The following ZMYM5 variants were observed in gnomAD, a reference collection of about 807,000 sequenced individuals.
ZMYM5 encodes zinc finger MYM-type containing 5.
A neutral mutation model predicts 61.8 loss-of-function variants in ZMYM5; 41 were observed. That is an observed-to-expected ratio of 0.66 (90% CI 0.52 to 0.86). The LOEUF (loss-of-function observed/expected upper bound fraction) is 0.86, where lower values mean the gene tolerates loss of function less well. Among genes scored for constraint, ZMYM5 ranks in the 40% least tolerant of loss-of-function variants. The pLI, the probability that ZMYM5 is intolerant of heterozygous loss-of-function variation, is 0.00. For synonymous variants in ZMYM5, 257 were observed against 276.4 expected (o/e 0.93, Z 0.70); for missense variants, 706 against 786.7 (o/e 0.90, Z 1.23).
intron 5 of ZMYM5, among the ~76,000 whole-genome samples, chr13:19,838,207 T>C (rs1010538562): frequency 6.6e-6 from 1 of 152,070 alleles, no homozygotes. Context: ...TGAAACCCTG[T>C]CTCTACTAAA....
intron 7 of ZMYM5, among the ~76,000 whole-genome samples, chr13:19,830,878 C>T (rs1227243278): frequency 6.8e-6 from 1 of 146,920 alleles, no homozygotes. Flanking sequence ...CTCGCACTGT[C>T]CCCCAGGCTG....
intron 7 of ZMYM5, among the ~76,000 whole-genome samples, chr13:19,833,649 G>A (rs1210192420): frequency 6.6e-6 from 1 of 152,110 alleles, no homozygotes; most frequent in Non-Finnish European, 1.5e-5. Flanking sequence ...AAACTGAAAA[G>A]ATTCTAGAAG....
chr13:19,835,791 A>G (rs9552012), intron 6 of ZMYM5, 102 bp from the exon 7 acceptor site: 95,179 of 829,586 alleles, frequency 0.11, 6,071 homozygotes, highest in Middle Eastern at 0.14. Flanking sequence ...AGAATCCCTA[A>G]TCATATCTCA....
chr13:19,845,112 T>G (rs1450685687), intron 4 of ZMYM5, among the ~76,000 whole-genome samples: 4 of 152,182 alleles, frequency 2.6e-5, no homozygotes, highest in Non-Finnish European at 5.9e-5. Context: ...CAGTAGAAAC[T>G]ACCCCAAATA....
chr13:19,845,703 C>T (rs1000700907), intron 4 of ZMYM5, among the ~76,000 whole-genome samples: 4 of 152,134 alleles, frequency 2.6e-5, no homozygotes, highest in African/African-American at 9.6e-5. Context: ...ACAAAGGATA[C>T]AAATCAGAAA....
At chr13:19,830,013 C>G (rs762951495) in intron 7 of ZMYM5, among the ~76,000 whole-genome samples, 1 of 152,164 alleles carries the variant, frequency 6.6e-6, no homozygotes, top group East Asian at 1.9e-4. Context: ...GTGCTGTGCA[C>G]TGCAGATGTT....
intron 4 of ZMYM5, among the ~76,000 whole-genome samples, chr13:19,839,811 T>A (rs1015923245): frequency 6.6e-6 from 1 of 152,238 alleles, no homozygotes; most frequent in African/African-American, 2.4e-5. Context: ...AAATCTATTA[T>A]TATTTCCCAG....
chr13:19,837,433 C>A lies in ZMYM5; in HGVS notation c.1038+223G>T. ...ACAATTGCCTTGTTTATGAGCACAACAATTCCATAGAAACAGATGTGTACT... is the reference window on the plus strand; with the variant it reads ...ACAATTGCCTTGTTTATGAGCACAAAAATTCCATAGAAACAGATGTGTACT... On this transcript the variant is annotated intron_variant, in intron 6 of 7. Transcript: ENST00000337963. The A allele has an allele frequency of 3.9e-6, 6 of 1,538,366 alleles. No individual in the cohort carries two copies. In the South Asian group the frequency reaches 5.0e-5, roughly 13 times the overall value.
intron 7 of ZMYM5, among the ~76,000 whole-genome samples, chr13:19,826,626 G>A (rs1268606049): frequency 6.6e-6 from 1 of 151,688 alleles, no homozygotes; most frequent in Non-Finnish European, 1.5e-5. Context: ...ATGGTGGCGG[G>A]CACCTGTAAT....
At chr13:19,829,005 G>A (rs942958064) in intron 7 of ZMYM5, among the ~76,000 whole-genome samples, 4 of 152,150 alleles carry the variant, frequency 2.6e-5, no homozygotes, top group Admixed American at 2.0e-4. Context: ...AGCTACTCAG[G>A]AGGCTAAGGT....
intron 4 of ZMYM5, among the ~76,000 whole-genome samples, chr13:19,844,564 C>CAGTTTAGCAAGCTTTA (rs1259542023): frequency 2.0e-5 from 3 of 152,174 alleles, no homozygotes; most frequent in Non-Finnish European, 2.9e-5. Flanking sequence ...TACCACCTTT[C>CAGTTTAGCAAGCTTTA]AGTTTAGCAA....
chr13:19,837,976 T>C (rs1166303626), intron 5 of ZMYM5, among the ~76,000 whole-genome samples, 155 bp from the exon 6 acceptor site: 1 of 152,206 alleles, frequency 6.6e-6, no homozygotes, highest in Admixed American at 6.6e-5. Context: ...TTGGCTTTAT[T>C]GCCAAGAGTT....
At chr13:19,861,842 C>A (rs1953775917) in intron 2 of ZMYM5, among the ~76,000 whole-genome samples, 2 of 147,868 alleles carry the variant, frequency 1.4e-5, no homozygotes, top group African/African-American at 5.0e-5. Context: ...AGATCACTGT[C>A]TAGTAGCAAA....
At chr13:19,848,249 T>G (rs1265592091) in intron 4 of ZMYM5, among the ~76,000 whole-genome samples, 2 of 151,894 alleles carry the variant, frequency 1.3e-5, no homozygotes, top group East Asian at 3.9e-4. Context: ...CCTCTGAAAA[T>G]GCTAGGATTA....
intron 7 of ZMYM5, among the ~76,000 whole-genome samples, chr13:19,833,192 T>C (rs1197359488): frequency 1.3e-5 from 2 of 152,178 alleles, no homozygotes; most frequent in Non-Finnish European, 2.9e-5. Flanking sequence ...GTTTCTCCTG[T>C]TCGATAAAAG....
intron 7 of ZMYM5, among the ~76,000 whole-genome samples, chr13:19,828,545 T>C (rs1891033072): frequency 2.0e-5 from 3 of 152,274 alleles, no homozygotes; most frequent in Non-Finnish European, 4.4e-5. Flanking sequence ...TGATCAAATT[T>C]GTACTTTGGA....
chr13:19,824,566 C>A lies in ZMYM5; in HGVS notation c.1921G>T (p.Asp641Tyr). ...TCAATAGCTTTATTTTTTTTCAGAT[C>A]AGATTTTAATTTTGAGTACTTAACA... ...NSVKYSKLKS[D>Y]LKKNKAIDAA... The change falls in exon 8 of 8, where the codon GAT becomes TAT. Residue 641 changes from aspartate to tyrosine, a missense_variant. By Grantham distance (160) the Asp-to-Tyr change is radical (BLOSUM62 -3). Coordinates refer to ENST00000337963, the MANE Select transcript of ZMYM5 (RefSeq NM_001142684.2). 1 of 1,316,050 alleles carries A rather than the reference C, an allele frequency of 7.6e-7. No homozygotes were observed. Among genetic ancestry groups the A allele is most frequent in the Non-Finnish European group, 1.0e-6 (1 of 998,684 alleles). The allele number at this position is 1,316,050 out of a possible 1,614,324, so 81.5% of individuals were successfully genotyped here. A position where few individuals can be genotyped will look rare whatever the true frequency, so the allele number is the denominator to read the frequency against.
chr13:19,845,578 A>C (rs1385160686), intron 4 of ZMYM5, among the ~76,000 whole-genome samples: 2 of 152,222 alleles, frequency 1.3e-5, no homozygotes, highest in African/African-American at 4.8e-5. Context: ...CTGCACTTCT[A>C]ATCAACTGGC....
chr13:19,859,276 A>G (rs890454416), intron 2 of ZMYM5, among the ~76,000 whole-genome samples: 1 of 152,228 alleles, frequency 6.6e-6, no homozygotes, highest in African/African-American at 2.4e-5. Flanking sequence ...CAAAAAAGGA[A>G]AGTCCTAAAA....
Sources: gnomAD v4.1 joint callset for allele counts (sites outside exome capture counted in the v4.1 genomes callset) on GRCh38, gnomAD v4.1.1 for gene constraint, MANE v1.5 for transcripts, NCBI Gene and HGNC (gene_info 2026-07-23, HGNC 2026-07-21) for gene names.